Variants in APOC3 observed in about 807,000 individuals in gnomAD.
The protein encoded by APOC3 is apolipoprotein C-III.
APOC3 carries 6 observed loss-of-function variants against 7.3 expected under a neutral mutation model. The observed-to-expected ratio is 0.82, with a 90% confidence interval of 0.45 to 1.61. APOC3 has a LOEUF of 1.61. Ranked by LOEUF, APOC3 falls within the 40% of genes most tolerant of loss-of-function variation. The pLI is 0.01. For synonymous variants in APOC3, 45 were observed against 51.2 expected (o/e 0.88, Z 0.52); for missense variants, 123 against 124.9 (o/e 0.98, Z 0.07).
rs1373460100 is a variant in APOC3 at position 116,830,822 on chromosome 11, C to T, written c.105C>T (p.Tyr35=). ...CCCTTCTCAGCTTCATGCAGGGTTA[C>T]ATGAAGCACGCCACCAAGACCGCCA... ...DASLLSFMQG[Y]MKHATKTAKD... Residue 35 remains tyrosine (Y), a synonymous_variant, in exon 3 of 4, where the codon TAC becomes TAT. Coordinates refer to ENST00000227667, the MANE Select transcript of APOC3 (RefSeq NM_000040.3). 2 of 1,613,096 alleles carry T rather than the reference C, an allele frequency of 1.2e-6. No individual in the cohort carries two copies. The highest frequency in any genetic ancestry group is 1.3e-5 in the African/African-American group (1 of 74,924).
At chr11:116,831,128 A>G in intron 3 of APOC3, 2 of 574,208 alleles carry the variant, frequency 3.5e-6, no homozygotes, top group South Asian at 4.6e-5. Context: ...GAGCAGTCCT[A>G]GGGCGTGCCG....
At chr11:116,832,721 G>A (rs373110458) in intron 3 of APOC3, 43 bp from the exon 4 acceptor site, 2 of 1,613,822 alleles carry the variant, frequency 1.2e-6, no homozygotes, top group Non-Finnish European at 1.7e-6. Flanking sequence ...GCCTACAGAG[G>A]AGTTCTCATG....
At chr11:116,831,209 CTTTCTTTCTTTCTTTCTT>C (rs1941448041) in intron 3 of APOC3, 8 of 132,904 alleles carry the variant, frequency 6.0e-5, no homozygotes, top group African/African-American at 2.3e-4. Flanking sequence ...TTCTTTCTTT[CTTTCTTTCTTTCTTTCTT>C]TCTTTCTTTC....
intron 3 of APOC3, among the ~76,000 whole-genome samples, chr11:116,831,907 A>G (rs1375076270): frequency 6.6e-6 from 1 of 152,232 alleles, no homozygotes; most frequent in Non-Finnish European, 1.5e-5. Flanking sequence ...TTGATCTGAC[A>G]GGAGGCGGAG....
chr11:116,830,472 C>A, intron 1 of APOC3, 98 bp from the exon 2 acceptor site: 1 of 1,299,334 alleles, frequency 7.7e-7, no homozygotes. Context: ...TCTGGCAGAC[C>A]CAGCTAAGGT....
rs1268243427 is a variant in APOC3 at position 116,832,982 on chromosome 11, G to C, written c.*98G>C. The C allele has an allele frequency of 1.3e-6, 2 of 1,542,698 alleles. No individual in the cohort carries two copies. The highest frequency in any genetic ancestry group is 1.1e-5 in the South Asian group (1 of 88,676). ...CCCTGTAGGTTGCTTAAAAGGGACA[G>C]TATTCTCAGTGCTCTCCTACCCCAC... On this transcript the variant is annotated 3_prime_UTR_variant, in exon 4 of 4. Transcript: ENST00000227667.
rs1334964101 is a variant in APOC3 at position 116,833,065 on chromosome 11, T to C, written c.*181T>C. On this transcript the variant is annotated 3_prime_UTR_variant, in exon 4 of 4. Coordinates refer to ENST00000227667, the MANE Select transcript of APOC3 (RefSeq NM_000040.3). ...CTCCCAATAAAGCTGGACAAGAAGC[T>C]GCTATGAGTGGGCCGTCGCAAGTGT... 2 of 864,630 alleles carry C rather than the reference T, an allele frequency of 2.3e-6. No homozygotes were observed. Among genetic ancestry groups the C allele is most frequent in the Non-Finnish European group, 3.7e-6 (2 of 542,552 alleles). The allele number at this position is 864,630 out of a possible 1,614,324, so 53.6% of individuals were successfully genotyped here. A position where few individuals can be genotyped will look rare whatever the true frequency, so the allele number is the denominator to read the frequency against.
chr11:116,830,739 C>T (rs549657398), intron 2 of APOC3, 34 bp from the exon 3 acceptor site: 16 of 1,613,304 alleles, frequency 9.9e-6, no homozygotes, highest in South Asian at 5.5e-5. Context: ...GTCCAGAGGC[C>T]GATCCACCCC....
rs745617955 is a variant in APOC3, at chr11:116,830,905, G to A, written c.179+9G>A. The A allele has an allele frequency of 7.4e-6, 12 of 1,611,306 alleles. No individual in the cohort carries two copies. The highest frequency in any genetic ancestry group is 1.1e-5 in the South Asian group (1 of 90,942). ...GTGGCCCAGCAGGCCAGGTACACCC[G>A]CTGGCCTCCCTCCCCATCCCCCCTG... On this transcript the variant is annotated intron_variant, in intron 3 of 3. Coordinates refer to ENST00000227667, the MANE Select transcript of APOC3 (RefSeq NM_000040.3).
At chr11:116,831,207 TTC>T (rs1555055860) in intron 3 of APOC3, 2 of 120,588 alleles carry the variant, frequency 1.7e-5, no homozygotes, top group Non-Finnish European at 3.3e-5. Flanking sequence ...CTTTCTTTCT[TTC>T]TTTCTTTCTT....
chr11:116,830,819 T>C lies in APOC3; in HGVS notation c.102T>C (p.Gly34=), dbSNP rs4520. Residue 34 remains glycine (G), a synonymous_variant, in exon 3 of 4, where the codon GGT becomes GGC. Coordinates refer to ENST00000227667, the MANE Select transcript of APOC3 (RefSeq NM_000040.3). The part of the protein sequence containing the change: ...EDASLLSFMQ[G]YMKHATKTAK... ...CCTCCCTTCTCAGCTTCATGCAGGGTTACATGAAGCACGCCACCAAGACCG... is the reference window on the plus strand; with the variant it reads ...CCTCCCTTCTCAGCTTCATGCAGGGCTACATGAAGCACGCCACCAAGACCG... 1,146,194 of 1,612,544 alleles carry C rather than the reference T, an allele frequency of 0.71. 413,561 individuals are homozygous for C. The highest frequency in any genetic ancestry group is 0.75 in the Non-Finnish European group (880,621 of 1,179,724).
chr11:116,830,620 C>A lies in APOC3; in HGVS notation c.38C>A (p.Ala13Glu), dbSNP rs772815802. The change falls in exon 2 of 4, where the codon GCG becomes GAG. Residue 13 changes from alanine (A) to glutamate (E), a missense_variant. By Grantham distance (107) the Ala-to-Glu change is moderately radical (BLOSUM62 -1). Coordinates refer to ENST00000227667, the MANE Select transcript of APOC3 (RefSeq NM_000040.3). Reference sequence around the variant, plus strand: ...GTACTCCTTGTTGTTGCCCTCCTGGCGCTCCTGGCCTCTGCCCGTAAGCAC... The same window carrying A: ...GTACTCCTTGTTGTTGCCCTCCTGGAGCTCCTGGCCTCTGCCCGTAAGCAC... ...PRVLLVVALL[A>E]LLASARASEA... 7 of 1,613,940 alleles carry A rather than the reference C, an allele frequency of 4.3e-6. No individual in the cohort carries two copies. Among genetic ancestry groups the A allele is most frequent in the Non-Finnish European group, 5.9e-6 (7 of 1,179,990 alleles).
rs562877651 is a variant in APOC3 at position 116,830,950 on chromosome 11, C to T, written c.179+54C>T. On this transcript the variant is annotated intron_variant, in intron 3 of 3. Transcript: ENST00000227667. ...CCCCTGCCAGCTGCCTCCATTCCCACCCGCCCCTGCCCTGGTGAGATCCCA... is the reference window on the plus strand; with the variant it reads ...CCCCTGCCAGCTGCCTCCATTCCCATCCGCCCCTGCCCTGGTGAGATCCCA... 2 of 1,588,960 alleles carry T rather than the reference C, an allele frequency of 1.3e-6. 1 individual carries two copies. Among genetic ancestry groups the T allele is most frequent in the East Asian group, 4.5e-5 (2 of 44,236 alleles).
chr11:116,831,236 T>TC (rs1337625342), intron 3 of APOC3: 5 of 169,992 alleles, frequency 2.9e-5, no homozygotes, highest in Admixed American at 1.6e-4. Flanking sequence ...TTTCTTTCTT[T>TC]CTTTCTTTCT....
At chr11:116,831,244 TCTTTCTTTCTTTC>T (rs1565336515) in intron 3 of APOC3, 44 of 119,360 alleles carry the variant, frequency 3.7e-4, no homozygotes, top group South Asian at 1.2e-3. Flanking sequence ...TTTCTTTCTT[TCTTTCTTTCTTTC>T]CTTTCTTTCT....
chr11:116,830,309 G>A (rs964833235), intron 1 of APOC3, among the ~76,000 whole-genome samples: 7 of 152,192 alleles, frequency 4.6e-5, no homozygotes, highest in Admixed American at 1.3e-4. Flanking sequence ...GGCTGGACTG[G>A]ACGGAGATCA....
rs1032811450 is a variant in APOC3, at chr11:116,833,002, C to A, written c.*118C>A. The stretch of plus-strand genomic sequence containing the variant: ...GGACAGTATTCTCAGTGCTCTCCTA[C>A]CCCACCTCATGCCTGGCCCCCCTCC... On this transcript the variant is annotated 3_prime_UTR_variant, in exon 4 of 4. Transcript: ENST00000227667. The A allele has an allele frequency of 2.1e-6, 3 of 1,422,986 alleles. No homozygotes were observed. Among genetic ancestry groups the A allele is most frequent in the Non-Finnish European group, 2.9e-6 (3 of 1,020,094 alleles). The allele number at this position is 1,422,986 out of a possible 1,614,324, so 88.1% of individuals were successfully genotyped here. A position where few individuals can be genotyped will look rare whatever the true frequency, so the allele number is the denominator to read the frequency against.
At chr11:116,831,199 TTCTTTCTTTC>T (rs1941447232) in intron 3 of APOC3, 1 of 72,014 alleles carries the variant, frequency 1.4e-5, no homozygotes, top group South Asian at 5.3e-4. Context: ...ATTTCTTTCT[TTCTTTCTTTC>T]TTTCTTTCTT....
chr11:116,832,857 C>A lies in APOC3; in HGVS notation c.273C>A (p.Val91=). The change falls in exon 4 of 4, where the codon GTC becomes GTA. Residue 91 remains valine, a synonymous_variant. Coordinates refer to ENST00000227667, the MANE Select transcript of APOC3 (RefSeq NM_000040.3). ...FSEFWDLDPE[V]RPTSAVAA ...AGTTCTGGGATTTGGACCCTGAGGTCAGACCAACTTCAGCCGTGGCTGCCT... is the reference window on the plus strand; with the variant it reads ...AGTTCTGGGATTTGGACCCTGAGGTAAGACCAACTTCAGCCGTGGCTGCCT... 6.2e-7 allele frequency: 1 copy of A among 1,613,976 alleles called. No homozygotes were observed. The highest frequency in any genetic ancestry group is 1.7e-4 in the Middle Eastern group (1 of 6,060).
Sources: allele counts gnomAD v4.1 joint callset (sites outside exome capture counted in the v4.1 genomes callset), GRCh38; gene constraint gnomAD v4.1.1; transcripts MANE v1.5; gene names NCBI Gene and HGNC (gene_info 2026-07-23, HGNC 2026-07-21).